Variants in LUZP4 observed in about 807,000 individuals in gnomAD.
LUZP4 encodes HOM-TES-85 tumor antigen.
LUZP4 carries 11 observed loss-of-function variants against 8.5 expected under a neutral mutation model. That is an observed-to-expected ratio of 1.30 (90% CI 0.82 to 2.14). LUZP4 has a LOEUF of 2.14. Ranked by LOEUF, LUZP4 falls within the 30% of genes most tolerant of loss-of-function variation. The pLI, the probability that LUZP4 is intolerant of heterozygous loss-of-function variation, is 0.00. For synonymous variants in LUZP4, 104 were observed against 79.4 expected (o/e 1.31, Z -1.65); for missense variants, 276 against 229.7 (o/e 1.20, Z -1.30).
intron 1 of LUZP4, among the ~76,000 whole-genome samples, chrX:115,290,869 G>A (rs985851975): frequency 9.0e-6 from 1 of 111,610 alleles, no homozygotes; most frequent in Non-Finnish European, 1.9e-5. Flanking sequence ...TGCAGCCTCC[G>A]CCCCCTGGGG....
intron 1 of LUZP4, among the ~76,000 whole-genome samples, chrX:115,294,072 C>T (rs1458416453): frequency 1.8e-5 from 2 of 112,282 alleles, no homozygotes; most frequent in Admixed American, 9.4e-5. Context: ...ACTTACCTCA[C>T]TCTAGGCCCT....
intron 2 of LUZP4, 37 bp downstream of exon 2, chrX:115,302,160 G>T: frequency 9.1e-7 from 1 of 1,095,089 alleles, no homozygotes. Context: ...GTGGTAAAAA[G>T]AGTCTGAAAT....
intron 1 of LUZP4, among the ~76,000 whole-genome samples, chrX:115,300,021 C>G (rs943051515): frequency 8.1e-5 from 9 of 111,656 alleles, no homozygotes; most frequent in Admixed American, 5.7e-4. Flanking sequence ...CCTCATAACT[C>G]TAACTGGTGC....
At chrX:115,299,144 A>G (rs887583452) in intron 1 of LUZP4, among the ~76,000 whole-genome samples, 11 of 111,150 alleles carry the variant, frequency 9.9e-5, no homozygotes, top group Admixed American at 3.8e-4. Flanking sequence ...TTTCTCCTAA[A>G]CAAACAGAGT....
chrX:115,307,474 A>G lies in LUZP4; in HGVS notation c.*670A>G, dbSNP rs1276726469. Reference sequence around the variant, plus strand: ...TAGCAAAAGAAACACAGAAATTTAAATGTACTGGGAGTTATGTTGTTAAAA... The same window carrying G: ...TAGCAAAAGAAACACAGAAATTTAAGTGTACTGGGAGTTATGTTGTTAAAA... On this transcript the variant is annotated 3_prime_UTR_variant, in exon 4 of 4. Transcript: ENST00000371920. 2.7e-5 allele frequency: 3 copies of G among 112,188 alleles called. No individual in the cohort carries two copies. The highest frequency in any genetic ancestry group is 9.7e-5 in the African/African-American group (3 of 30,835). The allele number at this position is 112,188 out of a possible 1,213,427, so 9.2% of individuals were successfully genotyped here. A position where few individuals can be genotyped will look rare whatever the true frequency, so the allele number is the denominator to read the frequency against.
chrX:115,305,337 C>A (rs1457311472), intron 3 of LUZP4, among the ~76,000 whole-genome samples: 1 of 112,045 alleles, frequency 8.9e-6, no homozygotes, highest in African/African-American at 3.2e-5. Context: ...TAATTTTTTA[C>A]ATTTTTATTT....
At position 115,307,045 on chromosome X, in the gene LUZP4, T is replaced by C. The variant is rs2073426892; in HGVS notation, c.*241T>C. 2.6e-6 allele frequency: 1 copy of C among 388,890 alleles called. No individual in the cohort carries two copies. The highest frequency in any genetic ancestry group is 4.2e-5 in the South Asian group (1 of 23,824). 32.0% of individuals were successfully genotyped at this position (388,890 alleles called of 1,213,427 possible). A position where few individuals can be genotyped will look rare whatever the true frequency, so the allele number is the denominator to read the frequency against. ...GTCTGCTTTCCCTGGAAGAGCCGTATGTACTCAGCCTTTCCTATTGGGCCT... is the reference window on the plus strand; with the variant it reads ...GTCTGCTTTCCCTGGAAGAGCCGTACGTACTCAGCCTTTCCTATTGGGCCT... On this transcript the variant is annotated 3_prime_UTR_variant, in exon 4 of 4. Transcript: ENST00000371920.
At position 115,306,189 on chromosome X, in the gene LUZP4, T is replaced by C. The variant is rs781849206; in HGVS notation, c.343-16T>C. The C allele has an allele frequency of 5.8e-6, 7 of 1,197,055 alleles. No homozygotes were observed. The South Asian group carries it at 1.3e-4, about 22-fold the overall frequency. On this transcript the variant is annotated splice_polypyrimidine_tract_variant and intron_variant, in intron 3 of 3. Coordinates refer to ENST00000371920, the MANE Select transcript of LUZP4 (RefSeq NM_016383.5). ...TATATGTTTCATTTGTTTTGAATAA[T>C]TGGGATCCTTTTCAGGAGAAGTGCA...
intron 2 of LUZP4, 68 bp downstream of exon 2, chrX:115,302,191 G>A (rs2073400780): frequency 1.2e-5 from 11 of 951,822 alleles, no homozygotes; most frequent in Non-Finnish European, 1.5e-5. Flanking sequence ...AACTAGATAA[G>A]TAAATCAAGA....
chrX:115,301,638 A>G (rs2073397722), intron 1 of LUZP4, among the ~76,000 whole-genome samples: 1 of 112,405 alleles, frequency 8.9e-6, no homozygotes, highest in South Asian at 3.7e-4. Flanking sequence ...TTAGTCAGCA[A>G]CTTAATGACT....
At chrX:115,299,388 C>A (rs979613277) in intron 1 of LUZP4, among the ~76,000 whole-genome samples, 2 of 111,454 alleles carry the variant, frequency 1.8e-5, no homozygotes, top group Admixed American at 9.5e-5. Context: ...GTGGCAAGGT[C>A]CCCCAAGCCA....
intron 1 of LUZP4, among the ~76,000 whole-genome samples, chrX:115,296,519 A>T (rs989295237): frequency 8.9e-6 from 1 of 111,929 alleles, no homozygotes; most frequent in Non-Finnish European, 1.9e-5. Flanking sequence ...GGAAAAGGAC[A>T]TGAGAATCTG....
chrX:115,302,162 GTC>G, intron 2 of LUZP4, 39 bp downstream of exon 2: 1 of 1,086,078 alleles, frequency 9.2e-7, no homozygotes, highest in Non-Finnish European at 1.2e-6. Context: ...GGTAAAAAGA[GTC>G]TGAAATATTT....
chrX:115,303,165 T>C (rs1158497105), intron 2 of LUZP4, 135 bp from the exon 3 acceptor site: 4 of 353,205 alleles, frequency 1.1e-5, no homozygotes, highest in African/African-American at 1.1e-4. Flanking sequence ...TCCCAGATGA[T>C]ACCAGAGTAA....
chrX:115,295,628 C>A (rs2073367599), intron 1 of LUZP4, among the ~76,000 whole-genome samples: 1 of 110,997 alleles, frequency 9.0e-6, no homozygotes, highest in South Asian at 3.8e-4. Context: ...TAGGAAAAGG[C>A]TCTACAGATT....
chrX:115,306,709 A>C lies in LUZP4; in HGVS notation c.847A>C (p.Thr283Pro). 1.7e-6 allele frequency: 2 copies of C among 1,211,341 alleles called. No homozygotes were observed. The highest frequency in any genetic ancestry group is 2.2e-6 in the Non-Finnish European group (2 of 895,400). ...AGTCACTCAGAGAGATCTCGTGGCC[A>C]CTGAGAGAGATCTCATAAATCAGTC... is the stretch of plus-strand genomic sequence containing the variant. ...LIVTQRDLVA[T>P]ERDLINQSGR... Residue 283 changes from threonine (T) to proline (P), a missense_variant, in exon 4 of 4, where the codon ACT becomes CCT. Transcript: ENST00000371920.
At chrX:115,300,664 G>A (rs1556601085) in intron 1 of LUZP4, among the ~76,000 whole-genome samples, 1 of 111,328 alleles carries the variant, frequency 9.0e-6, no homozygotes, top group Admixed American at 9.5e-5. Context: ...CAGGTGTCAG[G>A]TGAGTTTGGT....
At position 115,302,123 on chromosome X, in the gene LUZP4, G is replaced by A. The variant is rs2073400432; in HGVS notation, c.223G>A (p.Gly75Ser). ...SKAHRHRHRR[G>S]YSRCRSNSEE... is the part of the protein sequence containing the mutation. ...AGCTCATAGACATCGCCATCGGAGA[G>A]GTAAAGTATGCTGAAAATAGTCACA... The change falls in exon 2 of 4, where the codon GGC (glycine) becomes AGC (serine). Residue 75 changes from glycine (G) to serine (S), a missense_variant and splice_region_variant. Gly to Ser is a moderately conservative substitution (Grantham distance 56, BLOSUM62 0). Transcript: ENST00000371920. The A allele has an allele frequency of 8.5e-7, 1 of 1,172,453 alleles. No homozygotes were observed. The highest frequency in any genetic ancestry group is 3.1e-5 in the East Asian group (1 of 32,426).
chrX:115,302,008 T>C lies in LUZP4; in HGVS notation c.108T>C (p.Tyr36=). The change falls in exon 2 of 4, where the codon TAT becomes TAC. Residue 36 remains tyrosine, a synonymous_variant. Coordinates refer to ENST00000371920, the MANE Select transcript of LUZP4 (RefSeq NM_016383.5). ...CTAATACAGACGACATTATAATCTATAAAGAGTTAGAAGGGACAAATGCTG... is the reference window on the plus strand; with the variant it reads ...CTAATACAGACGACATTATAATCTACAAAGAGTTAGAAGGGACAAATGCTG... The part of the protein sequence containing the change: ...LDMSLDDIII[Y]KELEGTNAEE... The C allele has an allele frequency of 8.7e-7, 1 of 1,155,877 alleles. No individual in the cohort carries two copies. The highest frequency in any genetic ancestry group is 1.2e-6 in the Non-Finnish European group (1 of 860,176).
Sources: gnomAD v4.1 joint callset for allele counts (sites outside exome capture counted in the v4.1 genomes callset) on GRCh38, gnomAD v4.1.1 for gene constraint, MANE v1.5 for transcripts, NCBI Gene and HGNC (gene_info 2026-07-23, HGNC 2026-07-21) for gene names.